PIGU: variants seen among roughly 807,000 people sequenced by gnomAD.
PIGU encodes the protein phosphatidylinositol glycan anchor biosynthesis class U.
PIGU carries 24 observed loss-of-function variants against 49.9 expected under a neutral mutation model. That is an observed-to-expected ratio of 0.48 (90% CI 0.35 to 0.68). The LOEUF is 0.68. Ranked by LOEUF, PIGU falls within the 30% of genes least tolerant of loss-of-function variation. The probability of loss-of-function intolerance (pLI) is 0.01; values close to 1 mark genes in which losing one functional copy is unlikely to be tolerated. For missense variants in PIGU, 490 were observed against 532.6 expected, an observed-to-expected ratio of 0.92 and a Z score of 0.79; for synonymous variants, 220 against 205.7, an observed-to-expected ratio of 1.07 and a Z score of -0.59.
intron 1 of PIGU, among the ~76,000 whole-genome samples, chr20:34,669,308 G>A (rs1054765067): frequency 3.9e-5 from 6 of 151,974 alleles, no homozygotes; most frequent in African/African-American, 1.5e-4. Context: ...CTGGGTGAAG[G>A]GTATACAGAT....
rs1982461422 is a variant in PIGU at position 34,560,827 on chromosome 20, C to T, written c.*39G>A. ...GGGCTTGGCCCAGCTTCTGGCCCCA[C>T]AGCCCCCTGAGGTCCATGCAGCCCT... is the stretch of plus-strand genomic sequence containing the variant. On this transcript the variant is annotated 3_prime_UTR_variant, in exon 12 of 12. Coordinates refer to ENST00000217446, the MANE Select transcript of PIGU (RefSeq NM_080476.5). The T allele has an allele frequency of 6.9e-7, 1 of 1,440,400 alleles. No individual in the cohort carries two copies. The highest frequency in any genetic ancestry group is 9.4e-7 in the Non-Finnish European group (1 of 1,059,198). The allele number at this position is 1,440,400 out of a possible 1,614,324, so 89.2% of individuals were successfully genotyped here.
chr20:34,560,665 A>T lies in PIGU; in HGVS notation c.*201T>A. 1 of 458,990 alleles carries T rather than the reference A, an allele frequency of 2.2e-6. No individual in the cohort carries two copies. The highest frequency in any genetic ancestry group is 3.5e-5 in the East Asian group (1 of 28,562). 28.4% of individuals were successfully genotyped at this position (458,990 alleles called of 1,614,324 possible). A position where few individuals can be genotyped will look rare whatever the true frequency, so the allele number is the denominator to read the frequency against. On this transcript the variant is annotated 3_prime_UTR_variant, in exon 12 of 12. Coordinates refer to ENST00000217446, the MANE Select transcript of PIGU (RefSeq NM_080476.5). ...GTGCAGAGCCACAAGGTGGGGGTCC[A>T]AGTTGGGGAGCTCCCAGTTCTTCCC...
At chr20:34,564,971 G>A (rs949247985) in intron 11 of PIGU, among the ~76,000 whole-genome samples, 9 of 152,212 alleles carry the variant, frequency 5.9e-5, no homozygotes, top group Non-Finnish European at 1.3e-4. Context: ...CCTTTCAGAG[G>A]GAAGCCTGTA....
At chr20:34,676,405 T>C (rs1011432782) in intron 1 of PIGU, among the ~76,000 whole-genome samples, 11 of 152,230 alleles carry the variant, frequency 7.2e-5, no homozygotes, top group Non-Finnish European at 1.6e-4. Context: ...TAGGCGTTAG[T>C]ATAAAACAAT....
chr20:34,609,052 G>A (rs986883854), intron 7 of PIGU, among the ~76,000 whole-genome samples: 3 of 152,096 alleles, frequency 2.0e-5, no homozygotes, highest in African/African-American at 7.2e-5. Flanking sequence ...GGCTGAGGCG[G>A]GAGGATTGCT....
At position 34,639,061 on chromosome 20, in the gene PIGU, T is replaced by C. The variant is rs758352157; in HGVS notation, c.319-1076A>G. On this transcript the variant is annotated intron_variant, in intron 4 of 11. Coordinates refer to ENST00000217446, the MANE Select transcript of PIGU (RefSeq NM_080476.5). ...AAAAAGCAGATCACACTAGAAAATA[T>C]ACTGCATTGTGACATTTATATGAAG... Among the ~76,000 whole-genome samples, 10 of 152,182 alleles carry C rather than the reference T, an allele frequency of 6.6e-5. 1 individual carries two copies. Among genetic ancestry groups the C allele is most frequent in the Non-Finnish European group, 1.2e-4 (8 of 68,026 alleles).
intron 6 of PIGU, among the ~76,000 whole-genome samples, chr20:34,628,263 G>T (rs1985569561): frequency 1.3e-5 from 2 of 152,076 alleles, no homozygotes; most frequent in Non-Finnish European, 2.9e-5. Context: ...TGGGAGGACA[G>T]CTTGAGCCCA....
intron 2 of PIGU, 70 bp from the exon 3 acceptor site, chr20:34,645,404 G>C: frequency 1.4e-6 from 2 of 1,464,658 alleles, no homozygotes; most frequent in East Asian, 2.5e-5. Flanking sequence ...CCAGAGTAGA[G>C]AGTGGGGAGA....
intron 11 of PIGU, among the ~76,000 whole-genome samples, chr20:34,567,901 G>A (rs536861976): frequency 6.7e-6 from 1 of 150,310 alleles, no homozygotes; most frequent in African/African-American, 2.5e-5. Context: ...CATCCCTCAG[G>A]ACCCCACTTA....
intron 4 of PIGU, among the ~76,000 whole-genome samples, chr20:34,638,664 T>A (rs1290070136): frequency 2.0e-5 from 3 of 152,144 alleles, no homozygotes; most frequent in Non-Finnish European, 4.4e-5. Flanking sequence ...TTGGGTTATG[T>A]TTTACTTCCA....
chr20:34,566,578 TCTG>T (rs1349001367), intron 11 of PIGU, among the ~76,000 whole-genome samples: 28 of 152,288 alleles, frequency 1.8e-4, no homozygotes, highest in African/African-American at 6.7e-4. Context: ...ATGAATATCT[TCTG>T]AGTGTCTGCC....
chr20:34,581,389 G>C (rs1009046205), intron 10 of PIGU, among the ~76,000 whole-genome samples, 159 bp downstream of exon 10: 1 of 152,140 alleles, frequency 6.6e-6, no homozygotes, highest in South Asian at 2.1e-4. Flanking sequence ...ACAAGTCCGC[G>C]GCACCTGGAA....
Position 34,654,658 on chromosome 20 carries a change from A to C in PIGU, c.195+2522T>G, listed in dbSNP as rs1301009167. Among the ~76,000 whole-genome samples, 4 of 120,646 alleles carry C rather than the reference A, an allele frequency of 3.3e-5. 2 individuals carry two copies. The highest frequency in any genetic ancestry group is 1.2e-4 in the African/African-American group (4 of 32,778). 79.1% of individuals were successfully genotyped at this position (120,646 alleles called of 152,430 possible). A position where few individuals can be genotyped will look rare whatever the true frequency, so the allele number is the denominator to read the frequency against. On this transcript the variant is annotated intron_variant, in intron 2 of 11. Transcript: ENST00000217446. ...TTTTGAAAGATTAGACAGAAGAGCC[A>C]AAAAACAAACAAAAAAAAACTGTTC...
chr20:34,653,832 T>C (rs1986618665), intron 2 of PIGU, among the ~76,000 whole-genome samples: 1 of 152,098 alleles, frequency 6.6e-6, no homozygotes, highest in Non-Finnish European at 1.5e-5. Flanking sequence ...ATAAGATTCT[T>C]TGGAAGACTA....
rs1360130594 is a variant in PIGU, at chr20:34,654,104, G to A, written c.195+3076C>T. On this transcript the variant is annotated intron_variant, in intron 2 of 11. Transcript: ENST00000217446. ...GAACTCCCGACCTTGTGATCCGCCC[G>A]CCTAGGCTTCCCAAAGTGCTGGGAT... 1.1e-4 allele frequency among the ~76,000 whole-genome samples: 11 copies of A among 104,714 alleles called. 1 individual carries two copies. In the South Asian group the frequency reaches 2.6e-3, roughly 25 times the overall value. The allele number at this position is 104,714 out of a possible 152,430, so 68.7% of individuals were successfully genotyped here.
At chr20:34,673,294 CAGA>C (rs1200988767) in intron 1 of PIGU, among the ~76,000 whole-genome samples, 1 of 151,430 alleles carries the variant, frequency 6.6e-6, no homozygotes, top group African/African-American at 2.4e-5. Flanking sequence ...CATGTGAAAC[CAGA>C]AGGAGTCCTA....
At chr20:34,652,189 G>A (rs534025060) in intron 2 of PIGU, among the ~76,000 whole-genome samples, 1 of 152,188 alleles carries the variant, frequency 6.6e-6, no homozygotes, top group East Asian at 1.9e-4. Context: ...CCTGGGGGGA[G>A]AAACAGAGTC....
chr20:34,601,668 C>T (rs1984429617), intron 7 of PIGU, among the ~76,000 whole-genome samples: 1 of 152,194 alleles, frequency 6.6e-6, no homozygotes, highest in Non-Finnish European at 1.5e-5. Context: ...TAACCTACCA[C>T]TGTCTCACCA....
At position 34,656,043 on chromosome 20, in the gene PIGU, G is replaced by C. The variant is rs1364089197; in HGVS notation, c.195+1137C>G. Among the ~76,000 whole-genome samples, 3 of 99,018 alleles carry C rather than the reference G, an allele frequency of 3.0e-5. 1 individual carries two copies. In the East Asian group the frequency reaches 9.0e-4, roughly 30 times the overall value. 65.0% of individuals were successfully genotyped at this position (99,018 alleles called of 152,430 possible). A position where few individuals can be genotyped will look rare whatever the true frequency, so the allele number is the denominator to read the frequency against. ...GGCTGGAGTGCAATGGTGCAGTCTC[G>C]GCTCACTGCAAACTCTGCCTCCCGG... is the stretch of plus-strand genomic sequence containing the variant. On this transcript the variant is annotated intron_variant, in intron 2 of 11. Coordinates refer to ENST00000217446, the MANE Select transcript of PIGU (RefSeq NM_080476.5).
Sources: gnomAD v4.1 joint callset for allele counts (sites outside exome capture counted in the v4.1 genomes callset) on GRCh38, gnomAD v4.1.1 for gene constraint, MANE v1.5 for transcripts, NCBI Gene and HGNC (gene_info 2026-07-23, HGNC 2026-07-21) for gene names.